ROBO2: variants seen among roughly 807,000 people sequenced by gnomAD.
ROBO2 encodes the protein roundabout homolog 2.
A neutral mutation model predicts 160.8 loss-of-function variants in ROBO2; 53 were observed. The observed-to-expected ratio is 0.33, with a 90% CI of 0.26 to 0.41. The LOEUF is 0.41. ROBO2 is among the 10% of genes least tolerant of loss of function. ROBO2 has a pLI of 1.00. For missense variants in ROBO2, 1,577 were observed against 1,722.4 expected (o/e 0.92, Z 1.49); for synonymous variants, 664 against 611.7 (o/e 1.09, Z -1.26).
intron 2 of ROBO2, among the ~76,000 whole-genome samples, chr3:76,397,272 T>C (rs1196028616): frequency 2.0e-5 from 3 of 152,164 alleles, no homozygotes; most frequent in Admixed American, 6.6e-5. Flanking sequence ...GCTAGCCATA[T>C]GTAGAAAGCT....
intron 2 of ROBO2, among the ~76,000 whole-genome samples, chr3:75,948,534 A>G (rs1224253278): frequency 3.3e-5 from 5 of 152,086 alleles, no homozygotes; most frequent in African/African-American, 1.2e-4. Flanking sequence ...TTCTATCTTT[A>G]GCCTTCCGTG....
intron 2 of ROBO2, among the ~76,000 whole-genome samples, chr3:77,009,423 T>A (rs1171492008): frequency 6.6e-6 from 1 of 152,180 alleles, no homozygotes; most frequent in Non-Finnish European, 1.5e-5. Flanking sequence ...AAATAAAAAC[T>A]CTAATCCAAT....
In ROBO2 at chr3:76,073,264, ATTCTTTTTTTTTTTTT is replaced by A. The variant is rs1559888723; in HGVS notation, c.109+135665_109+135680del. ...GATTTGTAAACTTCTCAGAATGAGT[ATTCTTTTTTTTTTTTT>A]TTTTTTTTTTTTTTTTTTTTTTTTT... On this transcript the variant is annotated intron_variant, in intron 2 of 26. Coordinates refer to the ROBO2 transcript ENST00000487694. 3.5e-4 allele frequency among the ~76,000 whole-genome samples: 29 copies of A among 83,432 alleles called. 2 individuals carry two copies. Among genetic ancestry groups the A allele is most frequent in the South Asian group, 1.8e-3 (5 of 2,844 alleles). The allele number at this position is 83,432 out of a possible 152,430, so 54.7% of individuals were successfully genotyped here.
intron 2 of ROBO2, among the ~76,000 whole-genome samples, chr3:76,142,850 C>T (rs1192001895): frequency 6.6e-6 from 1 of 151,876 alleles, no homozygotes; most frequent in Non-Finnish European, 1.5e-5. Flanking sequence ...GGATGAATAC[C>T]TATTCTCCAT....
At chr3:77,593,176 T>G (rs1027968911) in intron 17 of ROBO2, among the ~76,000 whole-genome samples, 2 of 150,984 alleles carry the variant, frequency 1.3e-5, no homozygotes, top group Non-Finnish European at 2.9e-5. Flanking sequence ...ATCTTAACTC[T>G]CTTTTAACAG....
At chr3:77,285,482 T>G (rs912865059) in intron 2 of ROBO2, among the ~76,000 whole-genome samples, 8 of 152,172 alleles carry the variant, frequency 5.3e-5, no homozygotes, top group Non-Finnish European at 1.0e-4. Context: ...CCTACATACA[T>G]GTAAGAAAAT....
chr3:76,884,789 G>T (rs1368479341), intron 2 of ROBO2, among the ~76,000 whole-genome samples: 1 of 152,062 alleles, frequency 6.6e-6, no homozygotes, highest in Non-Finnish European at 1.5e-5. Flanking sequence ...TGTTAATTCT[G>T]AGGTTAATGC....
chr3:77,577,478 C>G lies in ROBO2; in HGVS notation c.2204-12C>G. 6.2e-7 allele frequency: 1 copy of G among 1,613,216 alleles called. No homozygotes were observed. The highest frequency in any genetic ancestry group is 8.5e-7 in the Non-Finnish European group (1 of 1,179,418). On this transcript the variant is annotated splice_polypyrimidine_tract_variant and intron_variant, in intron 14 of 25. Coordinates refer to ENST00000461745, the Ensembl canonical transcript of ROBO2. ...TTATAGTTTGCATTTATTCTAATTA[C>G]TTCCTCTACAGCCCCAAGTGCCCCA... is the stretch of plus-strand genomic sequence containing the variant.
chr3:77,110,684 CATAT>C (rs66955153), intron 2 of ROBO2, among the ~76,000 whole-genome samples: 2 of 147,788 alleles, frequency 1.4e-5, no homozygotes, highest in South Asian at 2.1e-4. Context: ...TATGTATATA[CATAT>C]ATATATATAG....
intron 2 of ROBO2, among the ~76,000 whole-genome samples, chr3:77,251,091 G>A (rs1011571953): frequency 6.6e-6 from 1 of 151,762 alleles, no homozygotes; most frequent in Non-Finnish European, 1.5e-5. Flanking sequence ...CACTCTCAAG[G>A]CTTCACTAGG....
At chr3:76,003,450 T>A (rs1037812579) in intron 2 of ROBO2, among the ~76,000 whole-genome samples, 70 of 152,332 alleles carry the variant, frequency 4.6e-4, no homozygotes, top group Admixed American at 9.2e-4. Flanking sequence ...AGGCTTATAA[T>A]CCCTATGTTC....
At chr3:77,171,011 G>C (rs1282476959) in intron 2 of ROBO2, among the ~76,000 whole-genome samples, 28 of 152,090 alleles carry the variant, frequency 1.8e-4, no homozygotes, top group Non-Finnish European at 1.5e-5. Flanking sequence ...GCCTTTAATG[G>C]AAGCTGATTG....
At chr3:77,607,886 T>C (rs1190449410) in exon 21 of ROBO2, 4 of 1,607,816 alleles carry the variant, frequency 2.5e-6, no homozygotes, top group African/African-American at 1.4e-5. Context: ...TCCCTCTACC[T>C]CCCCCCCCAG....
chr3:76,512,699 T>A (rs961904151), intron 2 of ROBO2, among the ~76,000 whole-genome samples: 6 of 152,124 alleles, frequency 3.9e-5, no homozygotes, highest in African/African-American at 7.2e-5. Context: ...ACAAAATTGT[T>A]TAAAATATTT....
At chr3:76,205,590 G>C (rs1320075305) in intron 2 of ROBO2, among the ~76,000 whole-genome samples, 2 of 152,202 alleles carry the variant, frequency 1.3e-5, no homozygotes, top group East Asian at 3.9e-4. Context: ...TTATTACCTA[G>C]CATCTTCCCA....
chr3:76,876,404 G>A (rs2072724903), intron 2 of ROBO2, among the ~76,000 whole-genome samples: 1 of 152,184 alleles, frequency 6.6e-6, no homozygotes, highest in Non-Finnish European at 1.5e-5. Context: ...GGTGGGCATG[G>A]TGGCTCATGC....
chr3:76,291,145 G>C (rs1708783239), intron 2 of ROBO2, among the ~76,000 whole-genome samples: 2 of 152,080 alleles, frequency 1.3e-5, no homozygotes, highest in Non-Finnish European at 1.5e-5. Context: ...ACAATGGGTA[G>C]AATCTGGCTG....
intron 2 of ROBO2, among the ~76,000 whole-genome samples, chr3:76,838,929 A>T (rs1045251153): frequency 2.0e-5 from 3 of 152,156 alleles, no homozygotes; most frequent in African/African-American, 7.2e-5. Flanking sequence ...GTAGACAATG[A>T]CTAGCATTTT....
chr3:77,307,963 A>AG (rs2063230954), intron 2 of ROBO2, among the ~76,000 whole-genome samples: 1 of 152,110 alleles, frequency 6.6e-6, no homozygotes, highest in Non-Finnish European at 1.5e-5. Flanking sequence ...TCTCAAAAAA[A>AG]GAAAAAAAAA....
Sources: gnomAD v4.1 joint callset for allele counts (sites outside exome capture counted in the v4.1 genomes callset) on GRCh38, gnomAD v4.1.1 for gene constraint, MANE v1.5 for transcripts, NCBI Gene and HGNC (gene_info 2026-07-23, HGNC 2026-07-21) for gene names.